C1orf146: variants seen among roughly 807,000 people sequenced by gnomAD.
The protein encoded by C1orf146 is protein SPO16 homolog.
A neutral mutation model predicts 23.0 loss-of-function variants in C1orf146; 22 were observed. The observed-to-expected ratio is 0.96, with a 90% CI of 0.68 to 1.36. The LOEUF (loss-of-function observed/expected upper bound fraction) is 1.36. Among genes scored for constraint, C1orf146 ranks in the 40% most tolerant of loss-of-function variants. The pLI is 0.00. For synonymous variants in C1orf146, 59 were observed against 65.3 expected (o/e 0.90, Z 0.47); for missense variants, 199 against 206.8 (o/e 0.96, Z 0.23).
chr1:92,229,412 G>A (rs950175553), intron 1 of C1orf146: 7 of 532,086 alleles, frequency 1.3e-5, no homozygotes, highest in Admixed American at 2.0e-5. Context: ...CCTGGCCGTC[G>A]GGCAGCTTGT....
At chr1:92,244,124 G>A (rs993804815) in intron 3 of C1orf146, 93 bp from the exon 4 acceptor site, 13 of 670,680 alleles carry the variant, frequency 1.9e-5, no homozygotes, top group East Asian at 1.7e-4. Flanking sequence ...GGACACATGT[G>A]GTATACTTAG....
chr1:92,242,531 TG>T (rs768551390), intron 3 of C1orf146, among the ~76,000 whole-genome samples: 14 of 152,166 alleles, frequency 9.2e-5, no homozygotes, highest in Admixed American at 9.2e-4. Flanking sequence ...TGGTAGAAGA[TG>T]GGAAAAAACT....
chr1:92,236,370 C>G (rs189621076), intron 2 of C1orf146, among the ~76,000 whole-genome samples: 249 of 152,152 alleles, frequency 1.6e-3, no homozygotes, highest in Non-Finnish European at 3.0e-3. Context: ...ACTTATGAAG[C>G]GTAGTTTGGC....
chr1:92,237,920 C>CA (rs1482237126), intron 2 of C1orf146, among the ~76,000 whole-genome samples: 7 of 152,010 alleles, frequency 4.6e-5, no homozygotes, highest in African/African-American at 1.7e-4. Context: ...GAGTGATAGA[C>CA]ATACTAGTTT....
rs187932130 is a variant in C1orf146, at chr1:92,241,792, G to T, written c.67-420G>T. 3.9e-3 allele frequency among the ~76,000 whole-genome samples: 596 copies of T among 152,244 alleles called. 4 individuals are homozygous for T. The highest frequency in any genetic ancestry group is 5.7e-3 in the Non-Finnish European group (390 of 68,006). ...GTTTTTTTTTAAAGTGAAGTTTGCA[G>T]CTGGGTGTGGTGACGTACACCTATA... On this transcript the variant is annotated intron_variant, in intron 2 of 5. Coordinates refer to ENST00000370375, the MANE Select transcript of C1orf146 (RefSeq NM_001012425.2).
At chr1:92,242,658 A>G (rs1652459310) in intron 3 of C1orf146, among the ~76,000 whole-genome samples, 2 of 152,338 alleles carry the variant, frequency 1.3e-5, no homozygotes, top group Middle Eastern at 3.4e-3. Context: ...TACAAAAAAA[A>G]TAGAATGTTT....
At chr1:92,243,964 A>G (rs1652498636) in intron 3 of C1orf146, among the ~76,000 whole-genome samples, 1 of 152,106 alleles carries the variant, frequency 6.6e-6, no homozygotes, top group African/African-American at 2.4e-5. Context: ...AGGAAAAAAA[A>G]AAAAACAGTA....
Position 92,237,353 on chromosome 1 carries a change from A to G in C1orf146, c.67-4859A>G, listed in dbSNP as rs573441353. On this transcript the variant is annotated intron_variant, in intron 2 of 5. Coordinates refer to ENST00000370375, the MANE Select transcript of C1orf146 (RefSeq NM_001012425.2). ...AGGACCCTCAGTTGCAGGTCTGTTGAAGTTTGCTAGAGGTCCACTCCAGAC... is the reference window on the plus strand; with the variant it reads ...AGGACCCTCAGTTGCAGGTCTGTTGGAGTTTGCTAGAGGTCCACTCCAGAC... Among the ~76,000 whole-genome samples, 533 of 152,180 alleles carry G rather than the reference A, an allele frequency of 3.5e-3. 1 individual carries two copies. The highest frequency in any genetic ancestry group is 6.7e-3 in the Admixed American group (102 of 15,284).
chr1:92,219,436 G>C (rs1417066431), intron 1 of C1orf146, among the ~76,000 whole-genome samples: 2 of 143,736 alleles, frequency 1.4e-5, no homozygotes, highest in Admixed American at 1.4e-4. Context: ...TTGTTGAAAA[G>C]TAGAATGAAA....
chr1:92,237,940 G>C (rs1013809527), intron 2 of C1orf146, among the ~76,000 whole-genome samples: 1 of 151,814 alleles, frequency 6.6e-6, no homozygotes, highest in Admixed American at 6.6e-5. Context: ...TTTGTTCTTT[G>C]TTTTTTTAAG....
chr1:92,233,433 T>C (rs1470867374), intron 2 of C1orf146, among the ~76,000 whole-genome samples: 1 of 152,156 alleles, frequency 6.6e-6, no homozygotes, highest in African/African-American at 2.4e-5. Context: ...TATGCGGCGT[T>C]ATTTCTGAGG....
At chr1:92,218,706 C>T (rs1003802539) in intron 1 of C1orf146, among the ~76,000 whole-genome samples, 1 of 152,058 alleles carries the variant, frequency 6.6e-6, no homozygotes, top group African/African-American at 2.4e-5. Context: ...TCTGGTCCCC[C>T]GGTCCCGTCC....
chr1:92,218,734 C>T (rs1479709072), intron 1 of C1orf146, among the ~76,000 whole-genome samples: 4 of 152,074 alleles, frequency 2.6e-5, no homozygotes, highest in African/African-American at 9.7e-5. Flanking sequence ...CTGCCCCTCC[C>T]CTCTGTCCCT....
At chr1:92,226,993 A>G (rs752241157) in intron 1 of C1orf146, among the ~76,000 whole-genome samples, 8 of 152,352 alleles carry the variant, frequency 5.3e-5, no homozygotes, top group Middle Eastern at 3.4e-3. Context: ...AAGATCCACT[A>G]TAAGTGAGTA....
In C1orf146 at chr1:92,231,399, A is replaced by G; in HGVS notation, c.-22A>G. 6.4e-7 allele frequency: 1 copy of G among 1,567,856 alleles called. No homozygotes were observed. Among genetic ancestry groups the G allele is most frequent in the Non-Finnish European group, 8.7e-7 (1 of 1,150,146 alleles). ...TTTCTCAGATTGTTGCACCATTAGA[A>G]GCTAGGTTGATCCACAGACAGATGG... On this transcript the variant is annotated 5_prime_UTR_variant, in exon 2 of 6. Transcript: ENST00000370375.
intron 1 of C1orf146, among the ~76,000 whole-genome samples, chr1:92,220,821 T>A (rs1156428821): frequency 6.6e-6 from 1 of 152,252 alleles, no homozygotes; most frequent in Non-Finnish European, 1.5e-5. Flanking sequence ...ATGAAGTTTT[T>A]AAAAATGCTG....
At chr1:92,240,132 C>T (rs1051819521) in intron 2 of C1orf146, among the ~76,000 whole-genome samples, 2 of 152,200 alleles carry the variant, frequency 1.3e-5, no homozygotes, top group Admixed American at 1.3e-4. Context: ...CACTTATCAC[C>T]TTAATACAAT....
intron 1 of C1orf146, among the ~76,000 whole-genome samples, chr1:92,224,801 C>G (rs950773847): frequency 2.6e-5 from 4 of 152,010 alleles, no homozygotes; most frequent in Non-Finnish European, 4.4e-5. Flanking sequence ...TGTCACCAGG[C>G]TGGCGATCTC....
chr1:92,218,132 T>G (rs1651722045), intron 1 of C1orf146, 84 bp downstream of exon 1: 1 of 152,240 alleles, frequency 6.6e-6, no homozygotes, highest in South Asian at 2.1e-4. Flanking sequence ...GGCGTAGTGC[T>G]CTCTGACTTG....
Sources: gnomAD v4.1 joint callset for allele counts (sites outside exome capture counted in the v4.1 genomes callset) on GRCh38, gnomAD v4.1.1 for gene constraint, MANE v1.5 for transcripts, NCBI Gene and HGNC (gene_info 2026-07-23, HGNC 2026-07-21) for gene names.